KCNIP3: variants seen among roughly 807,000 people sequenced by gnomAD.
The protein encoded by KCNIP3 is potassium voltage-gated channel interacting protein 3.
KCNIP3 carries 28 observed loss-of-function variants against 35.0 expected under a neutral mutation model. The ratio of observed to expected loss-of-function variants is 0.80; its 90% CI spans 0.59 to 1.10. KCNIP3 has a LOEUF of 1.10. KCNIP3 is among the 50% of genes least tolerant of loss of function. The pLI, the probability that KCNIP3 is intolerant of heterozygous loss-of-function variation, is 0.00. For missense variants in KCNIP3, 295 were observed against 338.4 expected (o/e 0.87, Z 1.01); for synonymous variants, 134 against 133.8 (o/e 1.00, Z -0.01).
chr2:95,375,239 C>G, intron 5 of KCNIP3, 31 bp downstream of exon 5: 1 of 1,600,446 alleles, frequency 6.2e-7, no homozygotes, highest in Non-Finnish European at 8.6e-7. Context: ...CCCACGTGTC[C>G]TGCCCCTGTG....
intron 2 of KCNIP3, chr2:95,368,755 A>G (rs1230325211): frequency 3.3e-5 from 8 of 244,408 alleles, no homozygotes; most frequent in Middle Eastern, 5.4e-4. Flanking sequence ...CCTGACTGAT[A>G]ATCACTGTTG....
chr2:95,363,858 G>C (rs1182298973), intron 2 of KCNIP3, among the ~76,000 whole-genome samples: 2 of 152,152 alleles, frequency 1.3e-5, no homozygotes. Context: ...TACTGGTGTA[G>C]AGAACTGCTA....
intron 2 of KCNIP3, among the ~76,000 whole-genome samples, chr2:95,365,923 A>T (rs1679906330): frequency 6.6e-6 from 1 of 152,184 alleles, no homozygotes; most frequent in African/African-American, 2.4e-5. Context: ...ATAGTCATGT[A>T]ACCATTACCA....
intron 1 of KCNIP3, among the ~76,000 whole-genome samples, chr2:95,306,266 C>T (rs897559762): frequency 3.3e-5 from 5 of 152,354 alleles, no homozygotes; most frequent in African/African-American, 1.2e-4. Context: ...CTCTTCCCGC[C>T]GCCTTTGCCA....
chr2:95,310,198 T>C (rs1234162815), intron 1 of KCNIP3, 157 bp from the exon 2 acceptor site: 2 of 829,846 alleles, frequency 2.4e-6, no homozygotes, highest in Admixed American at 3.9e-5. Context: ...CTGGCAGGAA[T>C]GGCCAGGACA....
chr2:95,328,156 C>G (rs1678838796), intron 2 of KCNIP3, among the ~76,000 whole-genome samples: 1 of 152,222 alleles, frequency 6.6e-6, no homozygotes, highest in Admixed American at 6.5e-5. Context: ...CCTGCACCAC[C>G]CCCAGCCCCC....
At chr2:95,335,579 G>C (rs1416392498) in intron 2 of KCNIP3, among the ~76,000 whole-genome samples, 5 of 152,116 alleles carry the variant, frequency 3.3e-5, no homozygotes, top group African/African-American at 1.2e-4. Flanking sequence ...CCACACCATA[G>C]CAGATGTACC....
intron 2 of KCNIP3, among the ~76,000 whole-genome samples, chr2:95,362,005 C>G (rs1679809762): frequency 6.6e-6 from 1 of 152,170 alleles, no homozygotes; most frequent in South Asian, 2.1e-4. Context: ...CTGGTGAGGG[C>G]TGTCTTCCTG....
At chr2:95,340,478 A>G (rs148571081) in intron 2 of KCNIP3, among the ~76,000 whole-genome samples, 102 of 152,370 alleles carry the variant, frequency 6.7e-4, no homozygotes, top group African/African-American at 2.3e-3. Context: ...AGATGGTCAC[A>G]CGTGTAGCTA....
intron 2 of KCNIP3, among the ~76,000 whole-genome samples, chr2:95,371,491 G>A (rs1680040527): frequency 6.6e-6 from 1 of 152,188 alleles, no homozygotes; most frequent in Non-Finnish European, 1.5e-5. Flanking sequence ...ATATGCTCTT[G>A]AAAAGAATGT....
intron 1 of KCNIP3, among the ~76,000 whole-genome samples, chr2:95,307,015 G>C (rs567078839): frequency 6.6e-6 from 1 of 152,276 alleles, no homozygotes; most frequent in South Asian, 2.1e-4. Flanking sequence ...AGCTTCCCAG[G>C]CTCGGCTGCT....
chr2:95,347,241 C>T (rs1164052064), intron 2 of KCNIP3: 4 of 834,850 alleles, frequency 4.8e-6, no homozygotes, highest in East Asian at 5.7e-5. Flanking sequence ...TGGGCCGCCG[C>T]CCCCTCCCGG....
intron 6 of KCNIP3, 46 bp downstream of exon 6, chr2:95,381,749 C>A: frequency 1.6e-6 from 2 of 1,257,316 alleles, no homozygotes; most frequent in Non-Finnish European, 2.3e-6. Context: ...TCCCCTCCTG[C>A]TGCTCCACCC....
At chr2:95,317,858 G>A (rs1218286473) in intron 2 of KCNIP3, among the ~76,000 whole-genome samples, 2 of 152,166 alleles carry the variant, frequency 1.3e-5, no homozygotes, top group African/African-American at 2.4e-5. Context: ...GGCAGGGTGC[G>A]GCCCTGGCCC....
At chr2:95,357,123 C>T (rs1335744606) in intron 2 of KCNIP3, among the ~76,000 whole-genome samples, 1 of 152,238 alleles carries the variant, frequency 6.6e-6, no homozygotes, top group Non-Finnish European at 1.5e-5. Context: ...AGCGGCTCTA[C>T]TGTCACATAC....
Position 95,384,404 on chromosome 2 carries a change from G to A in KCNIP3, c.*355G>A, listed in dbSNP as rs949188813. On this transcript the variant is annotated 3_prime_UTR_variant, in exon 9 of 9. Coordinates refer to ENST00000295225, the MANE Select transcript of KCNIP3 (RefSeq NM_013434.5). ...GAAGGGGCTCGAGTGCCCCTGCAGG[G>A]GAGGGTCCAATCTCCGGTGTGAGCC... The A allele has an allele frequency of 1.8e-5, 6 of 329,890 alleles. No individual in the cohort carries two copies. The highest frequency in any genetic ancestry group is 2.8e-5 in the Non-Finnish European group (5 of 176,596). 20.4% of individuals were successfully genotyped at this position (329,890 alleles called of 1,614,324 possible). A position where few individuals can be genotyped will look rare whatever the true frequency, so the allele number is the denominator to read the frequency against.
At chr2:95,359,733 C>T (rs1346644262) in intron 2 of KCNIP3, among the ~76,000 whole-genome samples, 5 of 152,270 alleles carry the variant, frequency 3.3e-5, no homozygotes, top group Non-Finnish European at 7.3e-5. Flanking sequence ...TGCTCTTGAA[C>T]TCTGTGTGCC....
intron 2 of KCNIP3, among the ~76,000 whole-genome samples, chr2:95,326,541 A>T (rs981316885): frequency 6.6e-6 from 1 of 152,200 alleles, no homozygotes; most frequent in Non-Finnish European, 1.5e-5. Context: ...CCCTGTTCTC[A>T]AATGGGAAGC....
intron 2 of KCNIP3, among the ~76,000 whole-genome samples, chr2:95,321,816 T>TA (rs778316569): frequency 2.0e-5 from 3 of 152,120 alleles, no homozygotes; most frequent in African/African-American, 2.4e-5. Flanking sequence ...ATGGCATCTG[T>TA]AACTGTGTTA....
Sources: allele counts gnomAD v4.1 joint callset (sites outside exome capture counted in the v4.1 genomes callset), GRCh38; gene constraint gnomAD v4.1.1; transcripts MANE v1.5; gene names NCBI Gene and HGNC (gene_info 2026-07-23, HGNC 2026-07-21).